ESYT1: variants seen among roughly 807,000 people sequenced by gnomAD.
The protein encoded by ESYT1 is extended synaptotagmin-1.
ESYT1 carries 116 observed loss-of-function variants against 154.2 expected under a neutral mutation model. That is an observed-to-expected ratio of 0.75 (90% CI 0.65 to 0.88). The LOEUF is 0.88. Ranked by LOEUF, ESYT1 falls within the 40% of genes least tolerant of loss-of-function variation. The pLI, the probability that ESYT1 is intolerant of heterozygous loss-of-function variation, is 0.00. For synonymous variants in ESYT1, 500 were observed against 539.9 expected, an observed-to-expected ratio of 0.93 and a Z score of 1.02; for missense variants, 1,264 against 1,379.3, an observed-to-expected ratio of 0.92 and a Z score of 1.32.
Position 56,132,270 on chromosome 12 carries a change from T to C in ESYT1, c.922T>C (p.Leu308=), listed in dbSNP as rs756534665. 4.0e-5 allele frequency: 64 copies of C among 1,614,024 alleles called. No individual in the cohort carries two copies. Among genetic ancestry groups the C allele is most frequent in the Non-Finnish European group, 5.2e-5 (61 of 1,180,032 alleles). Residue 308 remains leucine, a synonymous_variant, in exon 8 of 31, where the codon TTA becomes CTA. Transcript: ENST00000394048. ...TGCCTTCCTCGTGTTGCCCAACCGA[T>C]TACTGGTGCCCCTTGTGCCTGACCT... ...IAAFLVLPNR[L]LVPLVPDLQD...
chr12:56,144,016 G>C lies in ESYT1; in HGVS notation c.*154G>C. On this transcript the variant is annotated 3_prime_UTR_variant, in exon 31 of 31. Coordinates refer to ENST00000394048, the MANE Select transcript of ESYT1 (RefSeq NM_015292.3). ...CAGGCCCATATTCGGGCCTTTGCCT[G>C]ACCAAAGAGAAGAACCGTATGTTCC... 3.3e-6 allele frequency: 5 copies of C among 1,506,522 alleles called. No individual in the cohort carries two copies. The South Asian group carries it at 6.3e-5, about 19-fold the overall frequency. The allele number at this position is 1,506,522 out of a possible 1,614,324, so 93.3% of individuals were successfully genotyped here. A position where few individuals can be genotyped will look rare whatever the true frequency, so the allele number is the denominator to read the frequency against.
At chr12:56,129,794 C>T (rs924707674) in intron 1 of ESYT1, among the ~76,000 whole-genome samples, 2 of 152,176 alleles carry the variant, frequency 1.3e-5, no homozygotes, top group Non-Finnish European at 2.9e-5. Flanking sequence ...CCAAAAAACC[C>T]ACAAAGCCAG....
chr12:56,136,501 G>T (rs1027245564), intron 15 of ESYT1, among the ~76,000 whole-genome samples: 3 of 151,056 alleles, frequency 2.0e-5, no homozygotes, highest in Non-Finnish European at 2.9e-5. Context: ...TGAGGTAGGA[G>T]AATGGGTTGA....
chr12:56,144,602 A>T lies in ESYT1; in HGVS notation c.*740A>T. The stretch of plus-strand genomic sequence containing the variant: ...CTGCTAACTCACTGACTAGAACTTA[A>T]TCTGGTACTTTACAGTTTTGCACCA... On this transcript the variant is annotated 3_prime_UTR_variant, in exon 31 of 31. Transcript: ENST00000394048. The T allele has an allele frequency of 1.0e-6, 1 of 985,444 alleles. No homozygotes were observed. Among genetic ancestry groups the T allele is most frequent in the Non-Finnish European group, 1.2e-6 (1 of 829,960 alleles). The allele number at this position is 985,444 out of a possible 1,614,324, so 61.0% of individuals were successfully genotyped here. A position where few individuals can be genotyped will look rare whatever the true frequency, so the allele number is the denominator to read the frequency against.
At chr12:56,139,109 ACT>A in intron 24 of ESYT1, 96 bp downstream of exon 24, 1 of 863,924 alleles carries the variant, frequency 1.2e-6, no homozygotes, top group Non-Finnish European at 1.8e-6. Flanking sequence ...TAAAAGGTTG[ACT>A]TTTTTTTTTT....
rs1221695583 is a variant in ESYT1 at position 56,142,207 on chromosome 12, G to A, written c.2593-78G>A. On this transcript the variant is annotated intron_variant, in intron 24 of 30. Transcript: ENST00000394048. The surrounding 1 kb of genome is among the most constrained non-coding windows in gnomAD (Gnocchi z 4.1). ...CACCAAACCACCTATGAGTCCAAGC[G>A]TTTGGACCTTTAAAACACCAGGATT... 1.1e-5 allele frequency: 17 copies of A among 1,557,300 alleles called. No individual in the cohort carries two copies. The highest frequency in any genetic ancestry group is 5.4e-5 in the African/African-American group (4 of 73,912).
rs927267157 is a variant in ESYT1 at position 56,133,777 on chromosome 12, C to G, written c.1381-4C>G. The G allele has an allele frequency of 7.4e-6, 12 of 1,614,064 alleles. No homozygotes were observed. The highest frequency in any genetic ancestry group is 1.0e-5 in the Non-Finnish European group (12 of 1,179,964). ...AAGATCTGACTACTACCACCCCTCCCCAGGTTCTACAGTGGAATTGGGGAG... is the reference window on the plus strand; with the variant it reads ...AAGATCTGACTACTACCACCCCTCCGCAGGTTCTACAGTGGAATTGGGGAG... On this transcript the variant is annotated splice_polypyrimidine_tract_variant and splice_region_variant and intron_variant, in intron 12 of 30. Coordinates refer to ENST00000394048, the MANE Select transcript of ESYT1 (RefSeq NM_015292.3).
At position 56,144,042 on chromosome 12, in the gene ESYT1, C is replaced by T; in HGVS notation, c.*180C>T. ...ACCAAAGAGAAGAACCGTATGTTCCCTTTACTGCACGGCCTTTATCCTTCT... is the reference window on the plus strand; with the variant it reads ...ACCAAAGAGAAGAACCGTATGTTCCTTTTACTGCACGGCCTTTATCCTTCT... On this transcript the variant is annotated 3_prime_UTR_variant, in exon 31 of 31. Coordinates refer to ENST00000394048, the MANE Select transcript of ESYT1 (RefSeq NM_015292.3). 1 of 1,456,724 alleles carries T rather than the reference C, an allele frequency of 6.9e-7. No individual in the cohort carries two copies. The highest frequency in any genetic ancestry group is 9.0e-7 in the Non-Finnish European group (1 of 1,109,438). 90.2% of individuals were successfully genotyped at this position (1,456,724 alleles called of 1,614,324 possible). A position where few individuals can be genotyped will look rare whatever the true frequency, so the allele number is the denominator to read the frequency against.
At position 56,138,163 on chromosome 12, in the gene ESYT1, C is replaced by T; in HGVS notation, c.2248-20C>T. On this transcript the variant is annotated intron_variant, in intron 20 of 30. Transcript: ENST00000394048. ...TCCTGTCTGCATATCCCCAAGTCTTCACCCTGCCTACTTCCACAGTGGCTG... is the reference window on the plus strand; with the variant it reads ...TCCTGTCTGCATATCCCCAAGTCTTTACCCTGCCTACTTCCACAGTGGCTG... The T allele has an allele frequency of 6.2e-7, 1 of 1,614,104 alleles. No individual in the cohort carries two copies. The highest frequency in any genetic ancestry group is 8.5e-7 in the Non-Finnish European group (1 of 1,179,914).
At chr12:56,132,081 C>T in intron 7 of ESYT1, 128 bp from the exon 8 acceptor site, 2 of 1,421,580 alleles carry the variant, frequency 1.4e-6, no homozygotes. Context: ...AGAAGAGTAG[C>T]ACAAAGGATT....
At chr12:56,138,381 C>G (rs764810876) in intron 21 of ESYT1, 23 bp from the exon 22 acceptor site, 1 of 1,613,024 alleles carries the variant, frequency 6.2e-7, no homozygotes, top group South Asian at 1.1e-5. Context: ...TACCACTCCC[C>G]AGCCCCGTGT....
rs1274513567 is a variant in ESYT1, at chr12:56,128,735, T to G, written c.390+26T>G. ...GTGAGCGACCACCCTCGGTCCTCTG[T>G]GCAGCATAGCCCCCTTCCACCCCTT... On this transcript the variant is annotated intron_variant, in intron 1 of 30. Coordinates refer to ENST00000394048, the MANE Select transcript of ESYT1 (RefSeq NM_015292.3). The G allele has an allele frequency of 7.4e-6, 12 of 1,611,376 alleles. No homozygotes were observed. The Admixed American group carries it at 1.8e-4, about 25-fold the overall frequency.
In ESYT1 at chr12:56,141,853, A is replaced by C. The variant is rs529847007; in HGVS notation, c.2593-432A>C. Reference sequence around the variant, plus strand: ...GTGGCTCACACCTGTAATCCTAGCAATTTGGGAGGCTGAGGTGGGTGGATC... The same window carrying C: ...GTGGCTCACACCTGTAATCCTAGCACTTTGGGAGGCTGAGGTGGGTGGATC... On this transcript the variant is annotated intron_variant, in intron 24 of 30. Coordinates refer to ENST00000394048, the MANE Select transcript of ESYT1 (RefSeq NM_015292.3). 3.5e-4 allele frequency among the ~76,000 whole-genome samples: 53 copies of C among 152,170 alleles called. No individual in the cohort carries two copies. In the Middle Eastern group the frequency reaches 0.01, roughly 29 times the overall value.
At chr12:56,140,691 T>C (rs1407706633) in intron 24 of ESYT1, among the ~76,000 whole-genome samples, 3 of 152,058 alleles carry the variant, frequency 2.0e-5, no homozygotes, top group African/African-American at 7.2e-5. Context: ...AGGTCACATA[T>C]CCAGATTTGC....
intron 8 of ESYT1, 31 bp downstream of exon 8, chr12:56,132,363 T>C (rs1177423915): frequency 6.2e-7 from 1 of 1,613,978 alleles, no homozygotes; most frequent in Non-Finnish European, 8.5e-7. Flanking sequence ...GATAGATCCT[T>C]CTCTCAGGAA....
chr12:56,131,474 C>G lies in ESYT1; in HGVS notation c.715-3C>G. The G allele has an allele frequency of 3.1e-6, 5 of 1,614,166 alleles. No individual in the cohort carries two copies. The highest frequency in any genetic ancestry group is 3.4e-6 in the Non-Finnish European group (4 of 1,180,002). ...AGGCTTTGATTTTCTCTTCTTGCCT[C>G]AGCTACATGGCGTTTTGCGGGTGAT... On this transcript the variant is annotated splice_polypyrimidine_tract_variant and splice_region_variant and intron_variant, in intron 5 of 30. Coordinates refer to ENST00000394048, the MANE Select transcript of ESYT1 (RefSeq NM_015292.3).
chr12:56,129,783 C>A (rs944207035), intron 1 of ESYT1, among the ~76,000 whole-genome samples: 2 of 152,080 alleles, frequency 1.3e-5, no homozygotes, highest in Non-Finnish European at 2.9e-5. Context: ...ACACACACAC[C>A]CCAAAAAACC....
Position 56,134,334 on chromosome 12 carries a change from A to T in ESYT1, c.1546-8A>T. 1 of 1,613,722 alleles carries T rather than the reference A, an allele frequency of 6.2e-7. No homozygotes were observed. The highest frequency in any genetic ancestry group is 8.5e-7 in the Non-Finnish European group (1 of 1,179,778). ...TATACACCCTTAATCCCTCCTCTAC[A>T]TCTCCAGGCTGTCTACAGTACCAAC... On this transcript the variant is annotated splice_polypyrimidine_tract_variant and splice_region_variant and intron_variant, in intron 14 of 30. Transcript: ENST00000394048.
In ESYT1 at chr12:56,142,444, T is replaced by C; in HGVS notation, c.2733+19T>C. ...GCTAGGGGTGAGTGACAGGAGATGG[T>C]GGGCAGGATGAGAGGGAGGAGGGGA... On this transcript the variant is annotated intron_variant, in intron 25 of 30. Transcript: ENST00000394048. This position sits in a 1 kb window ranked among gnomAD's most constrained non-coding sequence, Gnocchi z 4.1. 1 of 1,609,318 alleles carries C rather than the reference T, an allele frequency of 6.2e-7. No homozygotes were observed. The highest frequency in any genetic ancestry group is 1.1e-5 in the South Asian group (1 of 90,790).
Sources: gnomAD v4.1 joint callset for allele counts (sites outside exome capture counted in the v4.1 genomes callset) on GRCh38, gnomAD v4.1.1 for gene constraint, Gnocchi (gnomAD v3.1) non-coding constraint, MANE v1.5 for transcripts, NCBI Gene and HGNC (gene_info 2026-07-23, HGNC 2026-07-21) for gene names.